SMOC2: variants seen among roughly 807,000 people sequenced by gnomAD.
SMOC2 encodes SPARC related modular calcium binding 2.
SMOC2 carries 39 observed loss-of-function variants against 61.4 expected under a neutral mutation model. The observed-to-expected ratio is 0.64, with a 90% CI of 0.49 to 0.83. SMOC2 has a LOEUF of 0.83. Among genes scored for constraint, SMOC2 ranks in the 40% least tolerant of loss-of-function variants. The pLI, the probability that SMOC2 is intolerant of heterozygous loss-of-function variation, is 0.00. For missense variants in SMOC2, 556 were observed against 592.9 expected, an observed-to-expected ratio of 0.94 and a Z score of 0.65; for synonymous variants, 247 against 239.9, an observed-to-expected ratio of 1.03 and a Z score of -0.27.
chr6:168,474,066 G>A (rs1365910257), intron 1 of SMOC2, among the ~76,000 whole-genome samples: 1 of 152,136 alleles, frequency 6.6e-6, no homozygotes, highest in Non-Finnish European at 1.5e-5. Flanking sequence ...TGAGGGCTCA[G>A]TGTAGTGGTG....
At chr6:168,532,465 A>G (rs961864751) in intron 4 of SMOC2, among the ~76,000 whole-genome samples, 14 of 151,768 alleles carry the variant, frequency 9.2e-5, no homozygotes, top group African/African-American at 3.4e-4. Flanking sequence ...GAAGCCTAAC[A>G]TTGCTGGGGG....
rs556539551 is a variant in SMOC2, at chr6:168,558,049, C to T, written c.637+8846C>T. On this transcript the variant is annotated intron_variant, in intron 7 of 12. Coordinates refer to ENST00000356284, the MANE Select transcript of SMOC2 (RefSeq NM_001166412.2). Reference sequence around the variant, plus strand: ...GTGGGAGAGGCCCCGTGGCACACACCTGTGAATGCTCCCTCTCCCAGTGAT... The same window carrying T: ...GTGGGAGAGGCCCCGTGGCACACACTTGTGAATGCTCCCTCTCCCAGTGAT... Among the ~76,000 whole-genome samples, 13 of 152,306 alleles carry T rather than the reference C, an allele frequency of 8.5e-5. No homozygotes were observed. In the East Asian group the frequency reaches 1.9e-3, roughly 23 times the overall value.
At chr6:168,557,849 G>A (rs1784283832) in intron 7 of SMOC2, among the ~76,000 whole-genome samples, 2 of 152,250 alleles carry the variant, frequency 1.3e-5, no homozygotes, top group African/African-American at 4.8e-5. Context: ...GAATAGCCAT[G>A]TGAACTTGGA....
chr6:168,515,992 G>C (rs1442707181), intron 2 of SMOC2, among the ~76,000 whole-genome samples: 2 of 152,188 alleles, frequency 1.3e-5, no homozygotes, highest in Non-Finnish European at 2.9e-5. Flanking sequence ...AGTGGGCGCT[G>C]GCTAGTGTAG....
chr6:168,663,936 G>GT (rs1787586388), intron 11 of SMOC2, 138 bp from the exon 12 acceptor site: 2 of 680,778 alleles, frequency 2.9e-6, no homozygotes, highest in Non-Finnish European at 2.5e-6. Flanking sequence ...ACTGTATGTG[G>GT]TTTTTTTCAT....
At chr6:168,465,239 C>T (rs1781801328) in intron 1 of SMOC2, among the ~76,000 whole-genome samples, 1 of 152,220 alleles carries the variant, frequency 6.6e-6, no homozygotes, top group Non-Finnish European at 1.5e-5. Context: ...TGGAATAGGC[C>T]TCCATCCTGC....
At chr6:168,526,477 C>G (rs1265490104) in intron 3 of SMOC2, 25 bp downstream of exon 3, 10 of 1,595,068 alleles carry the variant, frequency 6.3e-6, no homozygotes, top group Non-Finnish European at 7.7e-6. Flanking sequence ...TTGGGAGGTT[C>G]TGCACCTGTG....
At chr6:168,612,896 G>A (rs1385037295) in intron 9 of SMOC2, among the ~76,000 whole-genome samples, 1 of 152,166 alleles carries the variant, frequency 6.6e-6, no homozygotes, top group African/African-American at 2.4e-5. Flanking sequence ...GAGTTGGCTC[G>A]AAAACTTACA....
intron 9 of SMOC2, among the ~76,000 whole-genome samples, chr6:168,615,557 A>C (rs1786059327): frequency 8.8e-6 from 1 of 113,678 alleles, no homozygotes; most frequent in South Asian, 3.2e-4. Flanking sequence ...GGGCCTCTTT[A>C]CATCTACAGC....
chr6:168,510,509 A>C (rs1782981428), intron 2 of SMOC2, among the ~76,000 whole-genome samples: 1 of 152,228 alleles, frequency 6.6e-6, no homozygotes, highest in African/African-American at 2.4e-5. Context: ...TTCAGAGTTA[A>C]GAGTCTAATG....
At chr6:168,473,009 T>C (rs1781997635) in intron 1 of SMOC2, among the ~76,000 whole-genome samples, 1 of 152,108 alleles carries the variant, frequency 6.6e-6, no homozygotes, top group Non-Finnish European at 1.5e-5. Context: ...TCTTCCACTG[T>C]CCCCTGGCCA....
chr6:168,490,974 C>T (rs987588668), intron 1 of SMOC2, among the ~76,000 whole-genome samples: 27 of 149,876 alleles, frequency 1.8e-4, no homozygotes, highest in Non-Finnish European at 2.7e-4. Flanking sequence ...AAGGTGACCC[C>T]GTAGGACTCT....
intron 2 of SMOC2, among the ~76,000 whole-genome samples, chr6:168,519,265 ATGTG>A (rs1212104458): frequency 1.3e-5 from 2 of 151,982 alleles, no homozygotes; most frequent in African/African-American, 4.8e-5. Flanking sequence ...GCGTGCGTGC[ATGTG>A]TGAGTGAGCA....
chr6:168,484,393 G>T (rs1351153579), intron 1 of SMOC2, among the ~76,000 whole-genome samples: 1 of 152,078 alleles, frequency 6.6e-6, no homozygotes, highest in East Asian at 1.9e-4. Flanking sequence ...ACAATGAGGT[G>T]CCAACCCACA....
chr6:168,527,687 C>A lies in SMOC2; in HGVS notation c.423C>A (p.Ile141=). 6.4e-7 allele frequency: 1 copy of A among 1,552,438 alleles called. No individual in the cohort carries two copies. Among genetic ancestry groups the A allele is most frequent in the South Asian group, 1.2e-5 (1 of 84,164 alleles). Residue 141 remains isoleucine (I), a synonymous_variant, in exon 4 of 13, where the codon ATC becomes ATA. Coordinates refer to ENST00000356284, the MANE Select transcript of SMOC2 (RefSeq NM_001166412.2). ...CWCVTPNGRP[I]SGTAVAHKTP... is the part of the protein sequence containing the mutation. ...GCGTCACGCCCAACGGGAGGCCCAT[C>A]AGCGGCACTGCCGTGGCCCACAAGA...
At chr6:168,462,911 G>C (rs1444698921) in intron 1 of SMOC2, among the ~76,000 whole-genome samples, 1 of 152,216 alleles carries the variant, frequency 6.6e-6, no homozygotes, top group Non-Finnish European at 1.5e-5. Flanking sequence ...CAGATGGTGA[G>C]AGGAGCTGAC....
chr6:168,577,511 G>A (rs991352587), intron 7 of SMOC2, among the ~76,000 whole-genome samples: 1 of 152,174 alleles, frequency 6.6e-6, no homozygotes, highest in Non-Finnish European at 1.5e-5. Context: ...GAAGGTACCT[G>A]GAAAATAGCG....
rs528874918 is a variant in SMOC2 at position 168,647,291 on chromosome 6, C to T, written c.908-3390C>T. On this transcript the variant is annotated intron_variant, in intron 9 of 12. Transcript: ENST00000356284. ...GGGCCGTTAGACCCCACCGTGCAGG[C>T]GGCTAAGTGAGAAGAAGGCCGGGGG... Among the ~76,000 whole-genome samples the T allele has an allele frequency of 1.1e-4, 17 of 152,288 alleles. No individual in the cohort carries two copies. The East Asian group carries it at 2.3e-3, about 21-fold the overall frequency.
At chr6:168,456,255 T>A (rs1369143590) in intron 1 of SMOC2, among the ~76,000 whole-genome samples, 1 of 152,246 alleles carries the variant, frequency 6.6e-6, no homozygotes, top group Non-Finnish European at 1.5e-5. Context: ...TGTCGCCGTT[T>A]ATGACTGCGA....
Sources: gnomAD v4.1 joint callset for allele counts (sites outside exome capture counted in the v4.1 genomes callset) on GRCh38, gnomAD v4.1.1 for gene constraint, MANE v1.5 for transcripts, NCBI Gene and HGNC (gene_info 2026-07-23, HGNC 2026-07-21) for gene names.